NRG1: variants seen among roughly 807,000 people sequenced by gnomAD.
NRG1 encodes neuregulin 1.
A neutral mutation model predicts 63.8 loss-of-function variants in NRG1; 18 were observed. The observed-to-expected ratio is 0.28, with a 90% confidence interval of 0.19 to 0.42. NRG1 has a LOEUF of 0.42. Among genes scored for constraint, NRG1 ranks in the 10% least tolerant of loss-of-function variants. The pLI, the probability that NRG1 is intolerant of heterozygous loss-of-function variation, is 1.00. For synonymous variants in NRG1, 302 were observed against 301.3 expected, an observed-to-expected ratio of 1.00 and a Z score of -0.02; for missense variants, 762 against 814.7, an observed-to-expected ratio of 0.94 and a Z score of 0.79.
chr8:32,347,285 A>G (rs1805033399), intron 1 of NRG1, among the ~76,000 whole-genome samples: 1 of 152,266 alleles, frequency 6.6e-6, no homozygotes, highest in African/African-American at 2.4e-5. Context: ...GTACCCATTA[A>G]CCAACTGTTA....
intron 1 of NRG1, among the ~76,000 whole-genome samples, chr8:31,708,167 A>G (rs1811339370): frequency 6.6e-6 from 1 of 152,186 alleles, no homozygotes; most frequent in Non-Finnish European, 1.5e-5. Context: ...CCTTACTTGT[A>G]TCACCTAGTG....
chr8:32,378,189 G>T (rs894459435), intron 1 of NRG1, among the ~76,000 whole-genome samples: 19 of 152,038 alleles, frequency 1.2e-4, no homozygotes, highest in African/African-American at 4.6e-4. Context: ...AAGGAACAAG[G>T]CCAGCTAGAC....
intron 3 of NRG1, among the ~76,000 whole-genome samples, chr8:32,606,735 TA>T (rs1268886184): frequency 1.3e-5 from 2 of 152,184 alleles, no homozygotes; most frequent in Non-Finnish European, 2.9e-5. Context: ...TAACCAAGCC[TA>T]ATTGCATCTT....
chr8:31,703,048 A>G (rs1810784449), intron 1 of NRG1, among the ~76,000 whole-genome samples: 1 of 149,422 alleles, frequency 6.7e-6, no homozygotes, highest in African/African-American at 2.5e-5. Context: ...GAGCCCAACA[A>G]GTGTTCCAAA....
chr8:32,678,688 T>C (rs1442559023), intron 5 of NRG1, among the ~76,000 whole-genome samples: 1 of 152,176 alleles, frequency 6.6e-6, no homozygotes, highest in Non-Finnish European at 1.5e-5. Context: ...AAATTGGACT[T>C]CCGGGCTTTG....
intron 1 of NRG1, among the ~76,000 whole-genome samples, chr8:32,506,157 G>A (rs1330441298): frequency 6.6e-6 from 1 of 152,208 alleles, no homozygotes; most frequent in Non-Finnish European, 1.5e-5. Flanking sequence ...GCTGAGGCAG[G>A]ATGATTGTTT....
intron 1 of NRG1, among the ~76,000 whole-genome samples, chr8:32,495,520 T>A (rs1827098429): frequency 6.6e-6 from 1 of 152,208 alleles, no homozygotes; most frequent in Non-Finnish European, 1.5e-5. Flanking sequence ...TGAAGTGCAG[T>A]GGTGTGATCT....
intron 1 of NRG1, among the ~76,000 whole-genome samples, chr8:31,660,857 C>G (rs1419704268): frequency 6.6e-6 from 1 of 151,996 alleles, no homozygotes; most frequent in Non-Finnish European, 1.5e-5. Context: ...TAGTCATTTT[C>G]TATATTATTT....
rs10692906 is a variant in NRG1 at position 31,989,253 on chromosome 8, C to CAAAAAAAAAAAAAAAAAAAAAAA, written c.37+349842_37+349843insAAAAAAAAAAAAAAAAAAAAAAA. Among the ~76,000 whole-genome samples the CAAAAAAAAAAAAAAAAAAAAAAA allele has an allele frequency of 3.6e-3, 172 of 47,268 alleles. 5 individuals are homozygous for CAAAAAAAAAAAAAAAAAAAAAAA. Among genetic ancestry groups the CAAAAAAAAAAAAAAAAAAAAAAA allele is most frequent in the African/African-American group, 6.4e-3 (58 of 9,056 alleles). The allele number at this position is 47,268 out of a possible 152,430, so 31.0% of individuals were successfully genotyped here. A position where few individuals can be genotyped will look rare whatever the true frequency, so the allele number is the denominator to read the frequency against. ...CCTGGGTGAGAGAGAGACTCTGTCT[C>CAAAAAAAAAAAAAAAAAAAAAAA]AAAAAAAAAAAAAAAAAAAAGAACA... On this transcript the variant is annotated intron_variant, in intron 1 of 10. Coordinates refer to the NRG1 transcript ENST00000519301.
intron 1 of NRG1, among the ~76,000 whole-genome samples, chr8:32,210,002 A>G (rs1397410000): frequency 6.6e-6 from 1 of 152,140 alleles, no homozygotes; most frequent in Non-Finnish European, 1.5e-5. Context: ...AGTTCTTCAG[A>G]TTTATCTTCT....
intron 1 of NRG1, among the ~76,000 whole-genome samples, chr8:31,775,962 C>T (rs1233496876): frequency 1.4e-5 from 2 of 146,694 alleles, no homozygotes; most frequent in African/African-American, 2.5e-5. Context: ...TTCAGTTTAA[C>T]TTTGTAAGCT....
chr8:32,058,509 GTC>G (rs1469200355), intron 1 of NRG1, among the ~76,000 whole-genome samples: 2 of 152,044 alleles, frequency 1.3e-5, no homozygotes, highest in Non-Finnish European at 2.9e-5. Context: ...AGTTGTAGAA[GTC>G]TCTTGCTCTA....
At chr8:32,324,909 G>A (rs2129477101) in intron 1 of NRG1, among the ~76,000 whole-genome samples, 1 of 152,170 alleles carries the variant, frequency 6.6e-6, no homozygotes, top group East Asian at 1.9e-4. Flanking sequence ...AAATCTCTCT[G>A]TGCCTCATTA....
At chr8:32,434,884 C>A (rs569646133) in intron 1 of NRG1, among the ~76,000 whole-genome samples, 1 of 152,016 alleles carries the variant, frequency 6.6e-6, no homozygotes, top group South Asian at 2.1e-4. Flanking sequence ...AATGTAGAGA[C>A]CATGTAAAGT....
intron 1 of NRG1, among the ~76,000 whole-genome samples, chr8:31,942,382 C>T (rs1457438389): frequency 2.0e-5 from 3 of 152,034 alleles, no homozygotes. Flanking sequence ...ATGCAAAAAT[C>T]AACTCAAGAT....
intron 1 of NRG1, among the ~76,000 whole-genome samples, chr8:32,379,150 G>T (rs970970290): frequency 2.0e-5 from 3 of 148,478 alleles, no homozygotes; most frequent in African/African-American, 7.5e-5. Flanking sequence ...AAAGCTCAAT[G>T]AAATCTCCAA....
chr8:31,673,776 C>A (rs1048703345), intron 1 of NRG1, among the ~76,000 whole-genome samples: 1 of 152,002 alleles, frequency 6.6e-6, no homozygotes, highest in African/African-American at 2.4e-5. Context: ...GATTCATAGT[C>A]AGGATGGTCT....
chr8:32,661,632 T>G (rs1296174538), intron 5 of NRG1, among the ~76,000 whole-genome samples: 1 of 152,092 alleles, frequency 6.6e-6, no homozygotes, highest in Non-Finnish European at 1.5e-5. Context: ...GGCTTTTTTT[T>G]TTTTTCAATA....
chr8:32,385,415 C>G (rs1327128109), intron 1 of NRG1, among the ~76,000 whole-genome samples: 3 of 152,140 alleles, frequency 2.0e-5, no homozygotes, highest in African/African-American at 7.2e-5. Flanking sequence ...CATTCTCACA[C>G]TGCCATAAAG....
Sources: gnomAD v4.1 joint callset for allele counts (sites outside exome capture counted in the v4.1 genomes callset) on GRCh38, gnomAD v4.1.1 for gene constraint, MANE v1.5 for transcripts, NCBI Gene and HGNC (gene_info 2026-07-23, HGNC 2026-07-21) for gene names.